TRAK2: variants seen among roughly 807,000 people sequenced by gnomAD.
The protein encoded by TRAK2 is trafficking kinesin-binding protein 2.
TRAK2 carries 81 observed loss-of-function variants against 104.6 expected under a neutral mutation model. That is an observed-to-expected ratio of 0.77 (90% CI 0.65 to 0.93). The LOEUF (loss-of-function observed/expected upper bound fraction) is 0.93. Ranked by LOEUF, TRAK2 falls within the 40% of genes least tolerant of loss-of-function variation. The pLI is 0.00. For missense variants in TRAK2, 1,002 were observed against 1,089.0 expected, an observed-to-expected ratio of 0.92 and a Z score of 1.12; for synonymous variants, 406 against 394.4, an observed-to-expected ratio of 1.03 and a Z score of -0.35.
At chr2:201,408,631 C>T (rs1951617467) in intron 2 of TRAK2, among the ~76,000 whole-genome samples, 1 of 152,104 alleles carries the variant, frequency 6.6e-6, no homozygotes, top group African/African-American at 2.4e-5. Flanking sequence ...CAGCAGCCTG[C>T]TGAATTTTTA....
rs1004629072 is a variant in TRAK2 at position 201,447,513 on chromosome 2, G to A, written c.-200+3837C>T. Among the ~76,000 whole-genome samples, 1 of 152,188 alleles carries A rather than the reference G, an allele frequency of 6.6e-6. No homozygotes were observed. The highest frequency in any genetic ancestry group is 2.4e-5 in the African/African-American group (1 of 41,432). On this transcript the variant is annotated intron_variant, in intron 1 of 15. Coordinates refer to ENST00000332624, the MANE Select transcript of TRAK2 (RefSeq NM_015049.3). The surrounding 1 kb of genome is among the most constrained non-coding windows in gnomAD (Gnocchi z 4.1). ...GAGTCTGGAAGTCCAAAATCAAGGT[G>A]TTGGCAGGTTGGTTTCTCCTGAGGC...
intron 4 of TRAK2, among the ~76,000 whole-genome samples, chr2:201,400,276 G>A (rs1161938946): frequency 6.6e-6 from 1 of 151,948 alleles, no homozygotes; most frequent in Non-Finnish European, 1.5e-5. Flanking sequence ...TATTCTATAG[G>A]ATAGAAAACT....
intron 1 of TRAK2, among the ~76,000 whole-genome samples, chr2:201,444,149 C>T (rs965744181): frequency 2.0e-5 from 3 of 151,308 alleles, no homozygotes; most frequent in South Asian, 2.1e-4. Flanking sequence ...TGCAGTGAGC[C>T]GAGATCGTAC....
chr2:201,387,727 A>AT lies in TRAK2; in HGVS notation c.1671dup (p.Leu558IlefsTer8), dbSNP rs772055711. The AT allele has an allele frequency of 1.9e-6, 3 of 1,607,858 alleles. No individual in the cohort carries two copies. The Admixed American group carries it at 5.1e-5, about 27-fold the overall frequency. ...CCTTCAAGGGGCTTGACAATTTGTAATTTTTCTGGCATAAAACCTCGAAGG... is the reference window on the plus strand; with the variant it reads ...CCTTCAAGGGGCTTGACAATTTGTAATTTTTTCTGGCATAAAACCTCGAAGG... On this transcript the variant is annotated frameshift_variant, in exon 13 of 16. Transcript: ENST00000332624. LOFTEE classifies it high-confidence loss of function.
At chr2:201,446,778 G>A (rs1951967772) in intron 1 of TRAK2, among the ~76,000 whole-genome samples, 1 of 152,204 alleles carries the variant, frequency 6.6e-6, no homozygotes, top group Non-Finnish European at 1.5e-5. Context: ...ATCTGTGTCA[G>A]CACCATAAAA....
rs1951338577 is a variant in TRAK2 at position 201,381,022 on chromosome 2, G to A, written c.2266C>T (p.His756Tyr). 1.2e-6 allele frequency: 2 copies of A among 1,614,112 alleles called. No homozygotes were observed. The highest frequency in any genetic ancestry group is 4.5e-5 in the East Asian group (2 of 44,872). The change falls in exon 16 of 16, where the codon CAC (histidine) becomes TAC (tyrosine). Residue 756 changes from histidine to tyrosine, a missense_variant. Physicochemically the swap from His to Tyr is moderately conservative, Grantham distance 83. Transcript: ENST00000332624. Reference sequence around the variant, plus strand: ...AGGGGGTTCTCTGAAATTGGGCTGTGGTACACTTTGGCAGAGATGCCTCGC... The same window carrying A: ...AGGGGGTTCTCTGAAATTGGGCTGTAGTACACTTTGGCAGAGATGCCTCGC... ...QERGISAKVY[H>Y]SPISENPLQP...
chr2:201,442,388 C>CA (rs61153548), intron 1 of TRAK2, among the ~76,000 whole-genome samples: 68,028 of 143,470 alleles, frequency 0.47, 16,932 homozygotes, highest in South Asian at 0.62. Flanking sequence ...GACTCCATCT[C>CA]AAAAAAAAAA....
chr2:201,446,811 C>G (rs567756698), intron 1 of TRAK2, among the ~76,000 whole-genome samples: 1 of 152,330 alleles, frequency 6.6e-6, no homozygotes, highest in Non-Finnish European at 1.5e-5. Context: ...TACATAAGAT[C>G]ACTTTTTAGA....
In TRAK2 at chr2:201,399,437, G is replaced by A. The variant is rs750395376; in HGVS notation, c.420C>T (p.Asn140=). 1 of 1,612,768 alleles carries A rather than the reference G, an allele frequency of 6.2e-7. No homozygotes were observed. Among genetic ancestry groups the A allele is most frequent in the Middle Eastern group, 1.7e-4 (1 of 6,056 alleles). ...ARIGQALLKR[N]HVLSEQNESL... ...ATTCGTTCTGCTCAGATAAGACATG[G>A]TTCCGCTTTAAGAGAGCTTGTCCAA... The change falls in exon 5 of 16, where the codon AAC becomes AAT. Residue 140 remains asparagine, a synonymous_variant. Transcript: ENST00000332624.
At chr2:201,436,094 ATTT>A (rs758508975) in intron 1 of TRAK2, among the ~76,000 whole-genome samples, 7 of 152,092 alleles carry the variant, frequency 4.6e-5, no homozygotes, top group African/African-American at 1.4e-4. Flanking sequence ...TAGTTACCAT[ATTT>A]TTTATTTTTC....
At chr2:201,425,554 C>T (rs1239381165) in intron 1 of TRAK2, among the ~76,000 whole-genome samples, 4 of 152,004 alleles carry the variant, frequency 2.6e-5, no homozygotes, top group African/African-American at 4.8e-5. Flanking sequence ...GCTCCTGCCA[C>T]CACGCCTGGC....
At chr2:201,410,896 G>C (rs1055933741) in intron 2 of TRAK2, 33 of 1,587,784 alleles carry the variant, frequency 2.1e-5, no homozygotes, top group Non-Finnish European at 2.5e-5. Flanking sequence ...GTTTGGCAAA[G>C]TGGGAGGTGT....
At chr2:201,412,336 A>T in intron 2 of TRAK2, 1 of 1,330,494 alleles carries the variant, frequency 7.5e-7, no homozygotes, top group Non-Finnish European at 1.1e-6. Context: ...ATCATCAAAG[A>T]AGGGAATCTT....
chr2:201,449,480 CTTTTTTTTTTTTT>C (rs3083385), intron 1 of TRAK2, among the ~76,000 whole-genome samples: 1 of 98,096 alleles, frequency 1.0e-5, no homozygotes, highest in Admixed American at 1.1e-4. Flanking sequence ...AATGTTGGTT[CTTTTTTTTTTTTT>C]TTTTTTTTGA....
chr2:201,388,865 C>G (rs1024302126), intron 12 of TRAK2, among the ~76,000 whole-genome samples: 2 of 151,990 alleles, frequency 1.3e-5, no homozygotes, highest in African/African-American at 4.8e-5. Flanking sequence ...ATCTATCTTG[C>G]AAAGCTTTCA....
rs1406661292 is a variant in TRAK2 at position 201,380,672 on chromosome 2, A to G, written c.2616T>C (p.Val872=). The part of the protein sequence containing the change: ...EIGPQKPDSA[V]YLNSGSSLLG... ...ATAAACTGCTACCTGAATTTAAATA[A>G]ACAGCAGAATCTGGTTTTTGAGGAC... Residue 872 remains valine (V), a synonymous_variant, in exon 16 of 16, where the codon GTT becomes GTC. Transcript: ENST00000332624. 5.6e-6 allele frequency: 9 copies of G among 1,614,072 alleles called. No individual in the cohort carries two copies. In the South Asian group the frequency reaches 9.9e-5, roughly 18 times the overall value.
chr2:201,384,560 T>C (rs771870634), intron 14 of TRAK2, among the ~76,000 whole-genome samples: 4 of 152,120 alleles, frequency 2.6e-5, no homozygotes, highest in Non-Finnish European at 4.4e-5. Flanking sequence ...GCAGACTCTG[T>C]GGGAGTCTAC....
chr2:201,395,198 C>A (rs1951490392), intron 8 of TRAK2, 116 bp downstream of exon 8: 2 of 830,822 alleles, frequency 2.4e-6, no homozygotes, highest in Middle Eastern at 2.6e-4. Flanking sequence ...CAGATTAGGG[C>A]ATTTTAAAAG....
chr2:201,394,492 C>T (rs954121646), intron 9 of TRAK2, among the ~76,000 whole-genome samples: 4 of 152,026 alleles, frequency 2.6e-5, no homozygotes, highest in African/African-American at 4.8e-5. Flanking sequence ...AGATGCCCAC[C>T]ACCATGCCCA....
Sources: allele counts gnomAD v4.1 joint callset (sites outside exome capture counted in the v4.1 genomes callset), GRCh38; gene constraint gnomAD v4.1.1; non-coding constraint Gnocchi (gnomAD v3.1); transcripts MANE v1.5; gene names NCBI Gene and HGNC (gene_info 2026-07-23, HGNC 2026-07-21).